The following PATL2 variants were observed in gnomAD, a reference collection of about 807,000 sequenced individuals.
PATL2 encodes the protein protein PAT1 homolog 2.
In PATL2, 73 loss-of-function variants were observed where a neutral mutation model predicts 77.0. The observed-to-expected ratio is 0.95, with a 90% CI of 0.78 to 1.15. The LOEUF is 1.15. Among genes scored for constraint, PATL2 ranks in the 50% most tolerant of loss-of-function variants. The pLI is 0.00. For synonymous variants in PATL2, 265 were observed against 257.1 expected (o/e 1.03, Z -0.29); for missense variants, 618 against 655.4 (o/e 0.94, Z 0.62).
chr15:44,675,222 T>C (rs1004871486), intron 5 of PATL2: 5 of 437,952 alleles, frequency 1.1e-5, no homozygotes, highest in Non-Finnish European at 2.0e-5. Context: ...CCTTTAACGC[T>C]AGTAGCAGGG....
rs375298099 is a variant in PATL2 at position 44,687,309 on chromosome 15, G to A, written c.-75-10744C>T. Reference sequence around the variant, plus strand: ...AAATAGAACCAATGACAAAAACCACGTGATTATCTCAATAGATGCAGAAAA... The same window carrying A: ...AAATAGAACCAATGACAAAAACCACATGATTATCTCAATAGATGCAGAAAA... On this transcript the variant is annotated intron_variant, in intron 3 of 17. Transcript: ENST00000682850. Among the ~76,000 whole-genome samples the A allele has an allele frequency of 4.6e-5, 7 of 152,210 alleles. No individual in the cohort carries two copies. The East Asian group carries it at 1.4e-3, about 29-fold the overall frequency.
chr15:44,675,504 A>G lies in PATL2; in HGVS notation c.204T>C (p.Gly68=). 6.4e-7 allele frequency: 1 copy of G among 1,551,630 alleles called. No homozygotes were observed. The highest frequency in any genetic ancestry group is 8.7e-7 in the Non-Finnish European group (1 of 1,146,902). The part of the protein sequence containing the change: ...ENDLGDPAVL[G]AVHNTQRALL... Reference sequence around the variant, plus strand: ...ATGGTACCTGGGTGTTGTGGACAGCACCAAGTACAGCTGGATCCCCAAGAT... The same window carrying G: ...ATGGTACCTGGGTGTTGTGGACAGCGCCAAGTACAGCTGGATCCCCAAGAT... Residue 68 remains glycine (G), a synonymous_variant, in exon 5 of 18, where the codon GGT becomes GGC. Coordinates refer to ENST00000682850, the MANE Select transcript of PATL2 (RefSeq NM_001387263.1).
rs1341424851 is a variant in PATL2, at chr15:44,668,484, T to C, written c.1225-2A>G. On this transcript the variant is annotated splice_acceptor_variant, in intron 14 of 17. Transcript: ENST00000682850. LOFTEE classifies it high-confidence loss of function. ...AGGTTTGAATAACATTTGTAGGGCC[T>C]GCAAGAAGATCAGTAAGCACCTCCC... 16 of 1,549,620 alleles carry C rather than the reference T, an allele frequency of 1.0e-5. No individual in the cohort carries two copies. The East Asian group carries it at 3.2e-4, about 31-fold the overall frequency.
chr15:44,687,043 A>C (rs1184142871), intron 3 of PATL2, among the ~76,000 whole-genome samples: 1 of 152,220 alleles, frequency 6.6e-6, no homozygotes, highest in Non-Finnish European at 1.5e-5. Context: ...AATCCTCCCT[A>C]ACTCATTTGA....
chr15:44,670,486 C>T (rs117096146), intron 9 of PATL2, among the ~76,000 whole-genome samples: 2,863 of 152,248 alleles, frequency 0.019, 31 homozygotes, highest in Middle Eastern at 0.031. Context: ...GCCATTGTGC[C>T]CAGACAAGCA....
At chr15:44,696,721 A>G (rs1034575925) in intron 3 of PATL2, among the ~76,000 whole-genome samples, 1 of 151,626 alleles carries the variant, frequency 6.6e-6, no homozygotes, top group African/African-American at 2.4e-5. Context: ...GTAACTGCCA[A>G]TTAAAAAAAA....
At chr15:44,692,609 C>G (rs547560178) in intron 3 of PATL2, among the ~76,000 whole-genome samples, 1 of 152,232 alleles carries the variant, frequency 6.6e-6, no homozygotes, top group East Asian at 1.9e-4. Flanking sequence ...AGCTAGCAGG[C>G]ACTCAGTAAA....
At chr15:44,694,642 A>AT (rs1370462102) in intron 3 of PATL2, among the ~76,000 whole-genome samples, 1 of 152,220 alleles carries the variant, frequency 6.6e-6, no homozygotes, top group African/African-American at 2.4e-5. Flanking sequence ...AAAGTACAGC[A>AT]TTCATCGAAA....
intron 11 of PATL2, 21 bp from the exon 12 acceptor site, chr15:44,669,584 G>A: frequency 1.3e-6 from 2 of 1,549,398 alleles, no homozygotes; most frequent in Non-Finnish European, 1.7e-6. Flanking sequence ...GGAGTCACCA[G>A]CTATCAGCTA....
At chr15:44,675,863 G>GC (rs1480488791) in intron 4 of PATL2, 172 bp from the exon 5 acceptor site, 3 of 606,754 alleles carry the variant, frequency 4.9e-6, no homozygotes, top group Non-Finnish European at 8.5e-6. Flanking sequence ...CTCCCAAGGT[G>GC]CCCCGAACCA....
intron 3 of PATL2, among the ~76,000 whole-genome samples, chr15:44,678,003 A>G (rs2086029718): frequency 6.6e-6 from 1 of 151,782 alleles, no homozygotes; most frequent in Admixed American, 6.6e-5. Flanking sequence ...ATGCCCAGCT[A>G]ATTTTTGTAT....
At chr15:44,707,689 G>T (rs2086769088) in intron 3 of PATL2, among the ~76,000 whole-genome samples, 2 of 152,186 alleles carry the variant, frequency 1.3e-5, no homozygotes, top group Admixed American at 6.5e-5. Flanking sequence ...TGCCCTGCCT[G>T]GGGTTGGGAG....
At chr15:44,667,040 T>TCA (rs1431505795) in intron 16 of PATL2, 66 bp downstream of exon 16, 2 of 1,254,934 alleles carry the variant, frequency 1.6e-6, no homozygotes, top group South Asian at 2.6e-5. Flanking sequence ...AGGAAATACT[T>TCA]CACCTGGCTC....
At chr15:44,681,419 C>T (rs2086132119) in intron 3 of PATL2, among the ~76,000 whole-genome samples, 1 of 152,316 alleles carries the variant, frequency 6.6e-6, no homozygotes, top group South Asian at 2.1e-4. Context: ...CCTTGGATCT[C>T]TGTGCTCCCA....
intron 9 of PATL2, among the ~76,000 whole-genome samples, chr15:44,671,204 A>G (rs1489299532): frequency 1.3e-5 from 2 of 152,108 alleles, no homozygotes; most frequent in African/African-American, 4.8e-5. Flanking sequence ...AAAGTGAAAC[A>G]GCCAGCCGGG....
At chr15:44,675,170 C>T (rs2085890020) in intron 5 of PATL2, 1 of 297,650 alleles carries the variant, frequency 3.4e-6, no homozygotes, top group African/African-American at 2.2e-5. Flanking sequence ...CAGGAATGGA[C>T]TACTGAGACA....
intron 7 of PATL2, among the ~76,000 whole-genome samples, chr15:44,672,672 A>G (rs1156650100): frequency 6.6e-6 from 1 of 152,200 alleles, no homozygotes; most frequent in Non-Finnish European, 1.5e-5. Context: ...GCTGCAGGAA[A>G]TCTTGGAACA....
At chr15:44,697,197 C>CTCCTCTTCCTCCTTCTTCCTTT (rs1401551533) in intron 3 of PATL2, 3 of 151,976 alleles carry the variant, frequency 2.0e-5, no homozygotes, top group Non-Finnish European at 4.4e-5. Context: ...TCTTTTTCTT[C>CTCCTCTTCCTCCTTCTTCCTTT]TCCTCTTCCT....
intron 3 of PATL2, among the ~76,000 whole-genome samples, chr15:44,692,404 A>G (rs2086411656): frequency 6.6e-6 from 1 of 151,132 alleles, no homozygotes; most frequent in East Asian, 1.9e-4. Context: ...AACCAACGAC[A>G]ACAACAACAA....
Sources: allele counts gnomAD v4.1 joint callset (sites outside exome capture counted in the v4.1 genomes callset), GRCh38; gene constraint gnomAD v4.1.1; transcripts MANE v1.5; gene names NCBI Gene and HGNC (gene_info 2026-07-23, HGNC 2026-07-21).